Variants in DGKI observed in about 807,000 individuals in gnomAD.
DGKI encodes diacylglycerol kinase iota.
Under a neutral mutation model 147.5 loss-of-function variants are expected in DGKI, and 55 were observed. That is an observed-to-expected ratio of 0.37 (90% CI 0.30 to 0.47). The LOEUF is 0.47. DGKI is among the 20% of genes least tolerant of loss of function. The pLI is 1.00. For missense variants in DGKI, 1,007 were observed against 1,323.8 expected (o/e 0.76, Z 3.71); for synonymous variants, 469 against 477.1 (o/e 0.98, Z 0.22).
At chr7:137,710,741 C>A (rs1794184800) in intron 1 of DGKI, among the ~76,000 whole-genome samples, 1 of 151,886 alleles carries the variant, frequency 6.6e-6, no homozygotes, top group African/African-American at 2.4e-5. Flanking sequence ...ATAGAACACA[C>A]ACACACAAAA....
At chr7:137,721,103 C>T (rs1794543999) in intron 1 of DGKI, among the ~76,000 whole-genome samples, 1 of 152,166 alleles carries the variant, frequency 6.6e-6, no homozygotes, top group African/African-American at 2.4e-5. Flanking sequence ...TGTATTATAT[C>T]CCATGGTTTG....
intron 20 of DGKI, among the ~76,000 whole-genome samples, chr7:137,550,799 A>C (rs2128965836): frequency 6.6e-6 from 1 of 152,326 alleles, no homozygotes; most frequent in South Asian, 2.1e-4. Context: ...TAGATTCTGC[A>C]TATCTTCTTA....
intron 12 of DGKI, among the ~76,000 whole-genome samples, chr7:137,597,481 G>A (rs917025482): frequency 3.3e-5 from 5 of 151,642 alleles, no homozygotes; most frequent in African/African-American, 1.2e-4. Context: ...ATTCAATTGT[G>A]TCCACGTATT....
chr7:137,708,541 A>G (rs954766790), intron 1 of DGKI, among the ~76,000 whole-genome samples: 1 of 152,232 alleles, frequency 6.6e-6, no homozygotes, highest in African/African-American at 2.4e-5. Flanking sequence ...ATCCGATTCA[A>G]TAAATATATT....
At chr7:137,655,106 A>G (rs1822171415) in intron 4 of DGKI, among the ~76,000 whole-genome samples, 1 of 152,210 alleles carries the variant, frequency 6.6e-6, no homozygotes. Flanking sequence ...CTGGCAGCTT[A>G]AACTACCCAG....
intron 20 of DGKI, among the ~76,000 whole-genome samples, chr7:137,549,400 T>G: frequency 6.6e-6 from 1 of 152,146 alleles, no homozygotes; most frequent in East Asian, 1.9e-4. Context: ...GCCACAGCAC[T>G]TACGTCTCGA....
chr7:137,581,227 T>C (rs1819178690), intron 15 of DGKI, among the ~76,000 whole-genome samples: 1 of 152,148 alleles, frequency 6.6e-6, no homozygotes, highest in Non-Finnish European at 1.5e-5. Context: ...CCATCTCTTT[T>C]AGTACCTGAA....
chr7:137,656,342 T>C (rs1822219762), intron 4 of DGKI, 124 bp downstream of exon 4: 1 of 958,824 alleles, frequency 1.0e-6, no homozygotes, highest in Non-Finnish European at 1.6e-6. Context: ...GGTAATAATG[T>C]TGGACTTCCA....
intron 1 of DGKI, among the ~76,000 whole-genome samples, chr7:137,809,708 A>C (rs1392997870): frequency 6.6e-6 from 1 of 152,206 alleles, no homozygotes; most frequent in East Asian, 1.9e-4. Context: ...GTTCAAGACC[A>C]GCCTGGGCAA....
intron 2 of DGKI, among the ~76,000 whole-genome samples, chr7:137,683,366 GTGTTTGTTTGTT>G: frequency 6.7e-6 from 1 of 149,444 alleles, no homozygotes; most frequent in East Asian, 2.0e-4. Context: ...CTTTTTGTTT[GTGTTTGTTTGTT>G]TGTTTGTTTG....
chr7:137,722,466 G>A (rs1585410061), intron 1 of DGKI: 1 of 1,611,172 alleles, frequency 6.2e-7, no homozygotes, highest in African/African-American at 1.3e-5. Context: ...ACAGGGGCAA[G>A]AGGGTGGTTT....
chr7:137,826,732 G>A (rs1020840403), intron 1 of DGKI, among the ~76,000 whole-genome samples: 2 of 152,122 alleles, frequency 1.3e-5, no homozygotes, highest in Non-Finnish European at 2.9e-5. Context: ...GGCGGCGGGG[G>A]CAGGCGAGTT....
At chr7:137,827,174 T>C (rs1362553048) in intron 1 of DGKI, among the ~76,000 whole-genome samples, 3 of 152,100 alleles carry the variant, frequency 2.0e-5, no homozygotes, top group Non-Finnish European at 4.4e-5. Flanking sequence ...GACTTGCAGC[T>C]ATAACAGTGA....
intron 1 of DGKI, among the ~76,000 whole-genome samples, chr7:137,826,323 C>T (rs936561776): frequency 4.6e-5 from 7 of 152,370 alleles, no homozygotes; most frequent in African/African-American, 1.4e-4. Flanking sequence ...AGCCGGCCAT[C>T]GTCCTAATCC....
At chr7:137,626,230 T>C (rs1820935592) in intron 6 of DGKI, among the ~76,000 whole-genome samples, 1 of 152,062 alleles carries the variant, frequency 6.6e-6, no homozygotes, top group Non-Finnish European at 1.5e-5. Flanking sequence ...TGAGGACCCC[T>C]GATATGTTCC....
intron 1 of DGKI, among the ~76,000 whole-genome samples, chr7:137,832,001 T>C (rs1231763859): frequency 6.6e-6 from 1 of 152,230 alleles, no homozygotes. Context: ...TGATCAACTT[T>C]GACTCCATGT....
intron 28 of DGKI, among the ~76,000 whole-genome samples, chr7:137,414,747 G>GA (rs1812295850): frequency 6.6e-6 from 1 of 152,012 alleles, no homozygotes; most frequent in African/African-American, 2.4e-5. Flanking sequence ...TACAGACAGT[G>GA]AAAAAAACAC....
chr7:137,578,153 G>A (rs1289003983), intron 16 of DGKI, 117 bp downstream of exon 16: 6 of 669,104 alleles, frequency 9.0e-6, no homozygotes, highest in African/African-American at 5.5e-5. Context: ...ACCATAGATA[G>A]ACATATATAA....
chr7:137,650,049 C>A (rs1193553052), intron 5 of DGKI, among the ~76,000 whole-genome samples: 1 of 151,970 alleles, frequency 6.6e-6, no homozygotes, highest in Non-Finnish European at 1.5e-5. Context: ...AGCAAATGTT[C>A]TTTCATTTAC....
Sources: allele counts gnomAD v4.1 joint callset (sites outside exome capture counted in the v4.1 genomes callset), GRCh38; gene constraint gnomAD v4.1.1; transcripts MANE v1.5; gene names NCBI Gene and HGNC (gene_info 2026-07-23, HGNC 2026-07-21).